DNM3: variants seen among roughly 807,000 people sequenced by gnomAD.
DNM3 encodes the protein dynamin 3.
In DNM3, 47 loss-of-function variants were observed where a neutral mutation model predicts 101.6. The observed-to-expected ratio is 0.46, with a 90% CI of 0.37 to 0.59. DNM3 has a LOEUF of 0.59. Ranked by LOEUF, DNM3 falls within the 20% of genes least tolerant of loss-of-function variation. The probability of loss-of-function intolerance (pLI) is 0.00; values close to 1 mark genes in which losing one functional copy is unlikely to be tolerated. For synonymous variants in DNM3, 385 were observed against 387.9 expected (o/e 0.99, Z 0.09); for missense variants, 849 against 1,085.7 (o/e 0.78, Z 3.06).
chr1:172,195,997 C>G (rs1423139217), intron 14 of DNM3, among the ~76,000 whole-genome samples: 1 of 151,576 alleles, frequency 6.6e-6, no homozygotes, highest in East Asian at 1.9e-4. Flanking sequence ...CATATTATTT[C>G]ATCACCCAGC....
chr1:172,331,826 A>G (rs1183669830), intron 17 of DNM3, among the ~76,000 whole-genome samples: 1 of 152,204 alleles, frequency 6.6e-6, no homozygotes, highest in African/African-American at 2.4e-5. Context: ...GTTCTTACAA[A>G]TTAATAAGGA....
intron 9 of DNM3, among the ~76,000 whole-genome samples, chr1:172,045,123 G>A (rs1191756221): frequency 1.3e-5 from 2 of 151,992 alleles, no homozygotes; most frequent in African/African-American, 4.8e-5. Context: ...ATTGGGACTG[G>A]CTTGAGGAAT....
intron 14 of DNM3, among the ~76,000 whole-genome samples, chr1:172,182,106 A>G (rs1372704607): frequency 6.6e-6 from 1 of 151,890 alleles, no homozygotes; most frequent in Non-Finnish European, 1.5e-5. Flanking sequence ...AATAGGCAAC[A>G]TTATTGTAGT....
rs1315533993 is a variant in DNM3, at chr1:172,411,731, C to T, written c.*3890C>T. 1.0e-6 allele frequency: 1 copy of T among 984,972 alleles called. No homozygotes were observed. Among genetic ancestry groups the T allele is most frequent in the Admixed American group, 6.2e-5 (1 of 16,250 alleles). 61.0% of individuals were successfully genotyped at this position (984,972 alleles called of 1,614,324 possible). ...AATCTCCTCAGAATGAAGAATAAAG[C>T]CTACTAGGTCTCTAACTGTTGAACT... On this transcript the variant is annotated 3_prime_UTR_variant, in exon 21 of 21. Transcript: ENST00000627582.
chr1:172,187,551 C>T (rs2059567929), intron 14 of DNM3, among the ~76,000 whole-genome samples: 2 of 151,970 alleles, frequency 1.3e-5, no homozygotes, highest in African/African-American at 4.8e-5. Flanking sequence ...TAGACCTGAT[C>T]TATTCAATGA....
At chr1:172,398,550 G>A (rs2070209344) in intron 20 of DNM3, among the ~76,000 whole-genome samples, 1 of 152,080 alleles carries the variant, frequency 6.6e-6, no homozygotes, top group African/African-American at 2.4e-5. Context: ...ATATCTGCTT[G>A]GCCCATCCTT....
chr1:171,878,990 C>T (rs1036621830), intron 1 of DNM3, among the ~76,000 whole-genome samples: 1 of 152,160 alleles, frequency 6.6e-6, no homozygotes, highest in Non-Finnish European at 1.5e-5. Flanking sequence ...CATGGAGTCC[C>T]CTATGTTTTC....
At chr1:172,323,245 A>G (rs2065800052) in intron 16 of DNM3, 84 bp from the exon 17 acceptor site, 4 of 1,372,492 alleles carry the variant, frequency 2.9e-6, no homozygotes, top group Admixed American at 2.4e-5. Context: ...ATCCAGAGAA[A>G]GTAGAAGAAA....
chr1:172,319,973 G>C (rs1259247354), intron 16 of DNM3, among the ~76,000 whole-genome samples: 1,725 of 151,774 alleles, frequency 0.011, 23 homozygotes, highest in African/African-American at 0.04. Flanking sequence ...CAAAGACTTG[G>C]AACCAAGCCA....
chr1:172,083,062 A>G (rs1375565552), intron 12 of DNM3, among the ~76,000 whole-genome samples: 1 of 152,220 alleles, frequency 6.6e-6, no homozygotes, highest in African/African-American at 2.4e-5. Context: ...ACTTCTTGAT[A>G]GGTATTTGCT....
At chr1:172,318,790 A>G (rs1427968928) in intron 16 of DNM3, among the ~76,000 whole-genome samples, 1 of 152,356 alleles carries the variant, frequency 6.6e-6, no homozygotes, top group East Asian at 1.9e-4. Flanking sequence ...AAGAATCAAT[A>G]TCATGAAAAT....
At chr1:172,084,198 C>A (rs868126806) in intron 12 of DNM3, among the ~76,000 whole-genome samples, 3 of 152,094 alleles carry the variant, frequency 2.0e-5, no homozygotes, top group African/African-American at 2.4e-5. Context: ...GTCTTGTATA[C>A]CTTTCAGGAT....
chr1:171,883,497 A>G (rs1321002254), intron 1 of DNM3, among the ~76,000 whole-genome samples: 1 of 147,180 alleles, frequency 6.8e-6, no homozygotes, highest in Non-Finnish European at 1.5e-5. Context: ...TTTGAGATGG[A>G]GTCTCACTCT....
At chr1:172,178,834 T>C (rs61807788) in intron 14 of DNM3, among the ~76,000 whole-genome samples, 33,454 of 151,824 alleles carry the variant, frequency 0.22, 4,842 homozygotes, top group Middle Eastern at 0.34. Flanking sequence ...AGAAGCTAGA[T>C]TGCAGGGGGT....
chr1:172,132,509 C>A lies in DNM3; in HGVS notation c.1659+1221C>A, dbSNP rs183343196. 2.2e-4 allele frequency among the ~76,000 whole-genome samples: 33 copies of A among 152,288 alleles called. 1 individual carries two copies. Among genetic ancestry groups the A allele is most frequent in the Non-Finnish European group, 5.9e-5 (4 of 68,016 alleles). ...GCTATCTCTGTCATTCTGTGGGAAG[C>A]TCTAGTTTTAACATAGTTTGAGGAG... On this transcript the variant is annotated intron_variant, in intron 14 of 20. Coordinates refer to ENST00000627582, the MANE Select transcript of DNM3 (RefSeq NM_015569.5).
chr1:172,284,509 T>C (rs758826833), intron 15 of DNM3, among the ~76,000 whole-genome samples: 2 of 152,202 alleles, frequency 1.3e-5, no homozygotes, highest in Non-Finnish European at 2.9e-5. Flanking sequence ...ACCTTATCTC[T>C]GTTCATCGCT....
At chr1:172,242,420 G>A (rs1387545218) in intron 14 of DNM3, among the ~76,000 whole-genome samples, 1 of 152,096 alleles carries the variant, frequency 6.6e-6, no homozygotes, top group Non-Finnish European at 1.5e-5. Context: ...AGAAAAGGTA[G>A]TCCTGTGCCA....
In DNM3 at chr1:172,308,401, G is replaced by A. The variant is rs538705513; in HGVS notation, c.1770-327G>A. 2.6e-5 allele frequency among the ~76,000 whole-genome samples: 4 copies of A among 152,242 alleles called. No individual in the cohort carries two copies. The South Asian group carries it at 6.2e-4, about 24-fold the overall frequency. On this transcript the variant is annotated intron_variant, in intron 15 of 20. Transcript: ENST00000627582. The stretch of plus-strand genomic sequence containing the variant: ...TTCAGAGAATTGATCTAGCGGCTGA[G>A]CAATAGCAATTCCTTCCCCACAGCA...
intron 4 of DNM3, among the ~76,000 whole-genome samples, chr1:171,990,538 C>A (rs891671999): frequency 6.6e-6 from 1 of 152,094 alleles, no homozygotes; most frequent in African/African-American, 2.4e-5. Context: ...AGTGTGTACA[C>A]TTTTAATTAA....
Sources: allele counts gnomAD v4.1 joint callset (sites outside exome capture counted in the v4.1 genomes callset), GRCh38; gene constraint gnomAD v4.1.1; transcripts MANE v1.5; gene names NCBI Gene and HGNC (gene_info 2026-07-23, HGNC 2026-07-21).